FHIT: variants seen among roughly 807,000 people sequenced by gnomAD.
FHIT encodes the protein fragile histidine triad diadenosine triphosphatase.
In FHIT, 19 loss-of-function variants were observed where a neutral mutation model predicts 17.9. That is an observed-to-expected ratio of 1.06 (90% CI 0.74 to 1.56). FHIT has a LOEUF of 1.56. Among genes scored for constraint, FHIT ranks in the 40% most tolerant of loss-of-function variants. FHIT has a pLI of 0.00. For missense variants in FHIT, 248 were observed against 189.2 expected, an observed-to-expected ratio of 1.31 and a Z score of -1.82; for synonymous variants, 81 against 69.7, an observed-to-expected ratio of 1.16 and a Z score of -0.81.
Position 60,432,892 on chromosome 3 carries a change from T to C in FHIT, c.103+103968A>G, listed in dbSNP as rs1331660522. Among the ~76,000 whole-genome samples, 10 of 143,470 alleles carry C rather than the reference T, an allele frequency of 7.0e-5. No homozygotes were observed. In the Middle Eastern group the frequency reaches 0.014, roughly 201 times the overall value. 94.1% of individuals were successfully genotyped at this position (143,470 alleles called of 152,430 possible). On this transcript the variant is annotated intron_variant, in intron 5 of 9. Transcript: ENST00000492590. ...TTTTTACTTATAAGATTAAAACACA[T>C]CAAAACATTTGCTAGAAGAATTGTC...
chr3:60,213,255 C>T (rs979197501), intron 5 of FHIT, among the ~76,000 whole-genome samples: 3 of 152,094 alleles, frequency 2.0e-5, no homozygotes, highest in African/African-American at 7.2e-5. Context: ...TGCTTCTTTC[C>T]GTCTCCCAAT....
At chr3:60,453,037 G>C (rs1015679370) in intron 5 of FHIT, among the ~76,000 whole-genome samples, 8 of 152,102 alleles carry the variant, frequency 5.3e-5, no homozygotes. Context: ...AGTACAAAAT[G>C]AACACTTCCT....
At chr3:60,548,699 A>G (rs1165691492) in intron 4 of FHIT, among the ~76,000 whole-genome samples, 2 of 152,224 alleles carry the variant, frequency 1.3e-5, no homozygotes, top group African/African-American at 2.4e-5. Flanking sequence ...GCCCCAGCCT[A>G]GATGTAATGC....
chr3:60,736,415 G>A (rs746304668), intron 4 of FHIT, among the ~76,000 whole-genome samples: 1 of 152,108 alleles, frequency 6.6e-6, no homozygotes, highest in Admixed American at 6.5e-5. Flanking sequence ...CTAATGAATG[G>A]ATAAACAAAA....
intron 2 of FHIT, among the ~76,000 whole-genome samples, chr3:61,076,541 C>G (rs1220157928): frequency 1.3e-5 from 2 of 152,104 alleles, no homozygotes; most frequent in African/African-American, 4.8e-5. Context: ...AAATAGGCTA[C>G]AAAACTTTCA....
intron 8 of FHIT, among the ~76,000 whole-genome samples, chr3:59,885,062 C>T (rs1016471831): frequency 6.6e-6 from 1 of 152,174 alleles, no homozygotes; most frequent in Non-Finnish European, 1.5e-5. Context: ...AACAGATTTG[C>T]TAATTTTTAA....
chr3:60,691,928 C>T (rs1054577784), intron 4 of FHIT, among the ~76,000 whole-genome samples: 1 of 152,124 alleles, frequency 6.6e-6, no homozygotes, highest in Non-Finnish European at 1.5e-5. Context: ...AGATACTGTT[C>T]CCTTTTCCTT....
At chr3:60,858,596 A>T (rs1553750571) in intron 3 of FHIT, among the ~76,000 whole-genome samples, 2 of 152,156 alleles carry the variant, frequency 1.3e-5, no homozygotes, top group Non-Finnish European at 2.9e-5. Flanking sequence ...GCTCCATGAC[A>T]ATCAAACCCA....
intron 5 of FHIT, among the ~76,000 whole-genome samples, chr3:60,512,739 T>C (rs1442161943): frequency 6.6e-6 from 1 of 152,118 alleles, no homozygotes; most frequent in Non-Finnish European, 1.5e-5. Context: ...ATGGTTTAAA[T>C]GAACCGAATC....
intron 2 of FHIT, among the ~76,000 whole-genome samples, chr3:61,151,877 T>C (rs4688295): frequency 0.63 from 95,268 of 151,948 alleles, 32,743 homozygotes; most frequent in African/African-American, 0.89. Flanking sequence ...ACCACCACTC[T>C]CGGCCTGATA....
chr3:60,211,792 G>T (rs1703464018), intron 5 of FHIT, among the ~76,000 whole-genome samples: 1 of 152,036 alleles, frequency 6.6e-6, no homozygotes, highest in Admixed American at 6.6e-5. Flanking sequence ...ATTCTGACTG[G>T]GGAAAACCAC....
intron 5 of FHIT, among the ~76,000 whole-genome samples, chr3:60,449,379 G>A (rs59512348): frequency 0.041 from 6,209 of 152,028 alleles, 414 homozygotes; most frequent in African/African-American, 0.14. Context: ...TAAAGGTAGC[G>A]TAAGTGAAAG....
At chr3:60,055,874 G>C (rs556856068) in intron 5 of FHIT, among the ~76,000 whole-genome samples, 1 of 152,110 alleles carries the variant, frequency 6.6e-6, no homozygotes, top group Non-Finnish European at 1.5e-5. Flanking sequence ...AGGCAGCTTC[G>C]AAGGTACCAA....
At chr3:59,967,995 T>C (rs1212629113) in intron 7 of FHIT, among the ~76,000 whole-genome samples, 2 of 152,142 alleles carry the variant, frequency 1.3e-5, no homozygotes, top group African/African-American at 4.8e-5. Flanking sequence ...TTGCGAAGCA[T>C]GTCATTTTCA....
At chr3:60,771,285 A>G (rs1700031395) in intron 4 of FHIT, among the ~76,000 whole-genome samples, 1 of 151,228 alleles carries the variant, frequency 6.6e-6, no homozygotes, top group Admixed American at 6.6e-5. Context: ...AGTAATATTT[A>G]TCTCTCTCTC....
chr3:59,896,081 G>C (rs751249547), intron 8 of FHIT, among the ~76,000 whole-genome samples: 11 of 152,274 alleles, frequency 7.2e-5, no homozygotes, highest in Non-Finnish European at 1.6e-4. Flanking sequence ...AAGTTTTCTT[G>C]TCTTTAGATT....
At chr3:60,322,766 A>T (rs1293489380) in intron 5 of FHIT, among the ~76,000 whole-genome samples, 1 of 152,226 alleles carries the variant, frequency 6.6e-6, no homozygotes, top group African/African-American at 2.4e-5. Flanking sequence ...GATGATAAAG[A>T]AAGAGGTAGA....
rs138233428 is a variant in FHIT at position 60,634,060 on chromosome 3, C to G, written c.-17-97081G>C. 1.8e-4 allele frequency among the ~76,000 whole-genome samples: 27 copies of G among 152,328 alleles called. No homozygotes were observed. In the East Asian group the frequency reaches 5.0e-3, roughly 28 times the overall value. ...TCACTGGACTTTGAGTAACATGAGC[C>G]TGTTTCACGTTTGTGGGTGGACATC... is the stretch of plus-strand genomic sequence containing the variant. On this transcript the variant is annotated intron_variant, in intron 4 of 9. Coordinates refer to ENST00000492590, the MANE Select transcript of FHIT (RefSeq NM_002012.4).
chr3:60,524,467 G>C (rs2035498647), intron 5 of FHIT, among the ~76,000 whole-genome samples: 9 of 152,164 alleles, frequency 5.9e-5, no homozygotes, highest in Admixed American at 5.9e-4. Context: ...AGGCAGCAGT[G>C]TGCTTAGAAT....
Sources: gnomAD v4.1 joint callset for allele counts (sites outside exome capture counted in the v4.1 genomes callset) on GRCh38, gnomAD v4.1.1 for gene constraint, MANE v1.5 for transcripts, NCBI Gene and HGNC (gene_info 2026-07-23, HGNC 2026-07-21) for gene names.